The following NRXN1 variants were observed in gnomAD, a reference collection of about 807,000 sequenced individuals.
The protein encoded by NRXN1 is neurexin-1.
In NRXN1, 39 loss-of-function variants were observed where a neutral mutation model predicts 150.9. That is an observed-to-expected ratio of 0.26 (90% CI 0.20 to 0.34). NRXN1 has a LOEUF of 0.34. Among genes scored for constraint, NRXN1 ranks in the 10% least tolerant of loss-of-function variants. The probability of loss-of-function intolerance (pLI) is 1.00; values close to 1 mark genes in which losing one functional copy is unlikely to be tolerated. For missense variants in NRXN1, 1,815 were observed against 1,949.9 expected (o/e 0.93, Z 1.30); for synonymous variants, 924 against 757.0 (o/e 1.22, Z -3.62).
intron 17 of NRXN1, among the ~76,000 whole-genome samples, chr2:50,420,544 G>A: frequency 6.6e-6 from 1 of 152,010 alleles, no homozygotes; most frequent in East Asian, 1.9e-4. Flanking sequence ...ACTGGCCAAT[G>A]GAGAAACAAA....
At chr2:50,768,956 C>T (rs1335334621) in intron 5 of NRXN1, among the ~76,000 whole-genome samples, 8 of 151,524 alleles carry the variant, frequency 5.3e-5, no homozygotes, top group Admixed American at 5.3e-4. Context: ...ACACTCTGAA[C>T]TTGAAAACGA....
intron 5 of NRXN1, among the ~76,000 whole-genome samples, chr2:50,659,279 T>C (rs190044807): frequency 3.3e-5 from 5 of 152,206 alleles, no homozygotes; most frequent in Admixed American, 2.6e-4. Context: ...GGACATTTAT[T>C]ACAACATTTA....
chr2:50,519,158 A>G (rs1028184003), intron 12 of NRXN1, among the ~76,000 whole-genome samples: 4 of 151,980 alleles, frequency 2.6e-5, no homozygotes, highest in Admixed American at 2.0e-4. Flanking sequence ...CAAACTGTAC[A>G]TGATTATTAA....
intron 21 of NRXN1, among the ~76,000 whole-genome samples, chr2:49,953,660 C>A (rs59078225): frequency 0.047 from 7,113 of 151,894 alleles, 213 homozygotes; most frequent in Middle Eastern, 0.058. Flanking sequence ...TGAATATATA[C>A]ATATTATACA....
chr2:50,612,421 A>G (rs1228867382), intron 8 of NRXN1, among the ~76,000 whole-genome samples: 1 of 152,144 alleles, frequency 6.6e-6, no homozygotes, highest in Non-Finnish European at 1.5e-5. Flanking sequence ...ATAGGTTTGA[A>G]ATACCAAGTA....
At chr2:50,658,829 T>A (rs1686874866) in intron 5 of NRXN1, among the ~76,000 whole-genome samples, 1 of 152,058 alleles carries the variant, frequency 6.6e-6, no homozygotes, top group African/African-American at 2.4e-5. Flanking sequence ...AAGAACTTTC[T>A]TCTCCCTTTT....
intron 17 of NRXN1, among the ~76,000 whole-genome samples, chr2:50,421,015 TG>T: frequency 7.0e-6 from 1 of 142,102 alleles, no homozygotes; most frequent in Non-Finnish European, 1.5e-5. Context: ...TGTGTGTGTG[TG>T]TGTTTCACAT....
chr2:50,461,350 T>C (rs1324605671), intron 17 of NRXN1, among the ~76,000 whole-genome samples: 1 of 151,996 alleles, frequency 6.6e-6, no homozygotes, highest in Non-Finnish European at 1.5e-5. Flanking sequence ...TCTTCCCTTA[T>C]GGTAACAGAC....
chr2:50,951,112 G>A (rs1575032100), intron 2 of NRXN1, among the ~76,000 whole-genome samples: 1 of 152,298 alleles, frequency 6.6e-6, no homozygotes, highest in South Asian at 2.1e-4. Flanking sequence ...CTCAAGGACA[G>A]CTGTTTGAAA....
chr2:50,705,102 T>C (rs993424607), intron 5 of NRXN1, among the ~76,000 whole-genome samples: 2 of 151,566 alleles, frequency 1.3e-5, no homozygotes, highest in African/African-American at 2.4e-5. Context: ...TGCCGATTTC[T>C]AGCATAAATC....
At chr2:50,697,425 T>C (rs1481826495) in intron 5 of NRXN1, among the ~76,000 whole-genome samples, 1 of 152,102 alleles carries the variant, frequency 6.6e-6, no homozygotes, top group Non-Finnish European at 1.5e-5. Flanking sequence ...TCTTTCAAAG[T>C]GAAACTTGAC....
At chr2:49,925,656 A>G (rs1005880454) in intron 22 of NRXN1, among the ~76,000 whole-genome samples, 3 of 152,172 alleles carry the variant, frequency 2.0e-5, no homozygotes, top group African/African-American at 7.2e-5. Flanking sequence ...TATATAATAA[A>G]CTAAAATAAG....
chr2:49,985,352 G>C (rs1680729539), intron 21 of NRXN1, among the ~76,000 whole-genome samples: 4 of 152,108 alleles, frequency 2.6e-5, no homozygotes, highest in Non-Finnish European at 5.9e-5. Context: ...AGAAATTAGT[G>C]TTCTATATTT....
chr2:50,867,057 T>A (rs1677037431), intron 5 of NRXN1, among the ~76,000 whole-genome samples: 1 of 151,444 alleles, frequency 6.6e-6, no homozygotes, highest in African/African-American at 2.4e-5. Flanking sequence ...ACTTATATAG[T>A]TTTCTAAGGA....
intron 17 of NRXN1, among the ~76,000 whole-genome samples, chr2:50,265,788 T>C (rs1043644757): frequency 6.6e-6 from 1 of 151,962 alleles, no homozygotes; most frequent in African/African-American, 2.4e-5. Context: ...CTTAAGCAAA[T>C]ACATTTCACC....
At chr2:49,982,909 G>C (rs931819309) in intron 21 of NRXN1, among the ~76,000 whole-genome samples, 1 of 151,966 alleles carries the variant, frequency 6.6e-6, no homozygotes, top group African/African-American at 2.4e-5. Context: ...CTTTTCAAAA[G>C]ACTTGTTCTA....
At chr2:50,406,729 G>T (rs1286470687) in intron 17 of NRXN1, among the ~76,000 whole-genome samples, 1 of 152,102 alleles carries the variant, frequency 6.6e-6, no homozygotes, top group Non-Finnish European at 1.5e-5. Flanking sequence ...GACAGAGTTT[G>T]CACAGTATCT....
At chr2:50,178,132 T>C (rs1001065767) in intron 18 of NRXN1, among the ~76,000 whole-genome samples, 3 of 152,038 alleles carry the variant, frequency 2.0e-5, no homozygotes, top group Non-Finnish European at 4.4e-5. Flanking sequence ...AGATTCTGAG[T>C]TTCAGAATCT....
intron 5 of NRXN1, among the ~76,000 whole-genome samples, chr2:50,675,839 T>C (rs1337396610): frequency 6.6e-6 from 1 of 152,144 alleles, no homozygotes; most frequent in Non-Finnish European, 1.5e-5. Flanking sequence ...CAATATGTTC[T>C]AGTTATCTGC....
Sources: gnomAD v4.1 joint callset for allele counts (sites outside exome capture counted in the v4.1 genomes callset) on GRCh38, gnomAD v4.1.1 for gene constraint, MANE v1.5 for transcripts, NCBI Gene and HGNC (gene_info 2026-07-23, HGNC 2026-07-21) for gene names.